Variants in SGCZ observed in about 807,000 individuals in gnomAD.
The protein encoded by SGCZ is sarcoglycan zeta.
In SGCZ, 40 loss-of-function variants were observed where a neutral mutation model predicts 41.3. That is an observed-to-expected ratio of 0.97 (90% CI 0.75 to 1.26). The LOEUF is 1.26. Among genes scored for constraint, SGCZ ranks in the 50% most tolerant of loss-of-function variants. The probability of loss-of-function intolerance (pLI) is 0.00; values close to 1 mark genes in which losing one functional copy is unlikely to be tolerated. For missense variants in SGCZ, 552 were observed against 369.8 expected (o/e 1.49, Z -4.04); for synonymous variants, 206 against 137.5 (o/e 1.50, Z -3.49).
At chr8:14,938,038 A>T (rs1477388879) in intron 1 of SGCZ, among the ~76,000 whole-genome samples, 1 of 152,132 alleles carries the variant, frequency 6.6e-6, no homozygotes, top group Non-Finnish European at 1.5e-5. Flanking sequence ...TCACTCTGTA[A>T]TTCTTGCACT....
chr8:14,575,719 C>T lies in SGCZ; in HGVS notation c.40-20793G>A, dbSNP rs146310782. Among the ~76,000 whole-genome samples the T allele has an allele frequency of 1.3e-3, 194 of 151,854 alleles. 2 individuals carry two copies. The East Asian group carries it at 0.026, about 20-fold the overall frequency. On this transcript the variant is annotated intron_variant, in intron 1 of 7. Coordinates refer to ENST00000382080, the MANE Select transcript of SGCZ (RefSeq NM_139167.4). ...GTCAGGAGTTCGAGATCAGCCTGAC[C>T]AACATGGTGAAACCCCATCTCTACT...
chr8:14,171,243 G>A (rs1326274828), intron 4 of SGCZ, among the ~76,000 whole-genome samples: 1 of 148,842 alleles, frequency 6.7e-6, no homozygotes, highest in Non-Finnish European at 1.5e-5. Context: ...CATGTATCAG[G>A]GTAGTTTTGC....
intron 1 of SGCZ, among the ~76,000 whole-genome samples, chr8:14,886,835 G>A (rs1804825239): frequency 6.6e-6 from 1 of 152,056 alleles, no homozygotes; most frequent in Non-Finnish European, 1.5e-5. Context: ...CAGACTAAAG[G>A]GGCAAGTTGG....
At chr8:14,155,140 A>G (rs970143535) in intron 5 of SGCZ, among the ~76,000 whole-genome samples, 1 of 152,228 alleles carries the variant, frequency 6.6e-6, no homozygotes, top group East Asian at 1.9e-4. Context: ...ATCACGTGGT[A>G]TACACAGCTG....
intron 2 of SGCZ, among the ~76,000 whole-genome samples, chr8:14,451,560 C>A (rs1320234945): frequency 6.6e-6 from 1 of 152,136 alleles, no homozygotes; most frequent in African/African-American, 2.4e-5. Context: ...ATACAAGCCA[C>A]AAACTGGGAG....
At chr8:14,245,915 T>G (rs1309791771) in intron 3 of SGCZ, among the ~76,000 whole-genome samples, 1 of 152,140 alleles carries the variant, frequency 6.6e-6, no homozygotes, top group Non-Finnish European at 1.5e-5. Context: ...TCACACCAGT[T>G]AGAATGGCAA....
intron 1 of SGCZ, among the ~76,000 whole-genome samples, chr8:15,132,116 A>C (rs563340239): frequency 6.6e-6 from 1 of 152,230 alleles, no homozygotes; most frequent in African/African-American, 2.4e-5. Context: ...TAGCTCAGTT[A>C]ATTACAAGTC....
At chr8:14,187,040 TG>T (rs1804929908) in intron 4 of SGCZ, among the ~76,000 whole-genome samples, 1 of 152,190 alleles carries the variant, frequency 6.6e-6, no homozygotes, top group African/African-American at 2.4e-5. Flanking sequence ...CAGCTGGGTC[TG>T]GGTCAGGGAA....
At chr8:14,797,482 C>T in intron 1 of SGCZ, among the ~76,000 whole-genome samples, 1 of 152,170 alleles carries the variant, frequency 6.6e-6, no homozygotes, top group Admixed American at 6.5e-5. Flanking sequence ...TTTAGGCTAT[C>T]TGGCAGAAGA....
At chr8:14,414,965 A>G (rs1208652960) in intron 2 of SGCZ, among the ~76,000 whole-genome samples, 6 of 151,946 alleles carry the variant, frequency 3.9e-5, no homozygotes, top group Non-Finnish European at 7.4e-5. Flanking sequence ...AATCACTTTT[A>G]TTCATTTCTT....
chr8:14,356,174 C>A (rs1160769685), intron 2 of SGCZ, among the ~76,000 whole-genome samples: 2 of 152,124 alleles, frequency 1.3e-5, no homozygotes, highest in African/African-American at 2.4e-5. Flanking sequence ...AGTGTTCTGA[C>A]ATGTTTAAAG....
intron 1 of SGCZ, among the ~76,000 whole-genome samples, chr8:14,858,547 A>G (rs1803618566): frequency 6.6e-6 from 1 of 152,132 alleles, no homozygotes; most frequent in Non-Finnish European, 1.5e-5. Context: ...CTTTTTAGCT[A>G]ATTTTGAATA....
chr8:14,751,501 T>A (rs1018755104), intron 1 of SGCZ, among the ~76,000 whole-genome samples: 13 of 152,128 alleles, frequency 8.5e-5, no homozygotes, highest in African/African-American at 2.7e-4. Flanking sequence ...TGAAAAGGAT[T>A]ATAATTTAAT....
chr8:14,112,270 G>GT (rs369599896), intron 5 of SGCZ, among the ~76,000 whole-genome samples: 7,396 of 125,298 alleles, frequency 0.059, 502 homozygotes, highest in African/African-American at 0.17. Flanking sequence ...AATTTTTTGA[G>GT]TTTTTTTTTT....
chr8:14,724,383 G>C (rs1206148205), intron 1 of SGCZ, among the ~76,000 whole-genome samples: 3 of 151,706 alleles, frequency 2.0e-5, no homozygotes, highest in Non-Finnish European at 2.9e-5. Context: ...TAAAAATTCA[G>C]AGAGAATAAC....
chr8:15,087,944 T>G (rs1390429486), intron 1 of SGCZ, among the ~76,000 whole-genome samples: 1 of 151,984 alleles, frequency 6.6e-6, no homozygotes, highest in Non-Finnish European at 1.5e-5. Context: ...TAAACATGCA[T>G]GTAAAATGCT....
chr8:15,174,246 G>C (rs1193463114), intron 1 of SGCZ, among the ~76,000 whole-genome samples: 1 of 152,162 alleles, frequency 6.6e-6, no homozygotes, highest in African/African-American at 2.4e-5. Flanking sequence ...ATGTAGGGTA[G>C]GTGATGTAAA....
intron 2 of SGCZ, among the ~76,000 whole-genome samples, chr8:14,437,954 A>G (rs1800140480): frequency 6.6e-6 from 1 of 152,032 alleles, no homozygotes; most frequent in Admixed American, 6.6e-5. Flanking sequence ...ATAGTTTGGC[A>G]TATAAAATCT....
chr8:14,108,037 A>T, intron 6 of SGCZ, 126 bp downstream of exon 6: 3 of 785,274 alleles, frequency 3.8e-6, no homozygotes, highest in Non-Finnish European at 5.9e-6. Context: ...TAATATATTC[A>T]TTTTTGTATT....
Sources: gnomAD v4.1 joint callset for allele counts (sites outside exome capture counted in the v4.1 genomes callset) on GRCh38, gnomAD v4.1.1 for gene constraint, MANE v1.5 for transcripts, NCBI Gene and HGNC (gene_info 2026-07-23, HGNC 2026-07-21) for gene names.